The following NLGN3 variants were observed in gnomAD, a reference collection of about 807,000 sequenced individuals.
The protein encoded by NLGN3 is neuroligin 3, also known as neuroligin-3.
In NLGN3, 11 loss-of-function variants were observed where a neutral mutation model predicts 42.9. The ratio of observed to expected loss-of-function variants is 0.26; its 90% CI spans 0.16 to 0.42. The LOEUF is 0.42. NLGN3 is among the 10% of genes least tolerant of loss of function. The pLI is 1.00. For missense variants in NLGN3, 374 were observed against 733.8 expected (o/e 0.51, Z 5.67); for synonymous variants, 279 against 312.7 (o/e 0.89, Z 1.14).
In NLGN3 at chrX:71,170,445, C is replaced by T; in HGVS notation, c.*348C>T. ...CCTGAAAGCAACAGCTGGACACCCCCTTGGTGCTCGCCTTCGGCCTCTCTT... is the reference window on the plus strand; with the variant it reads ...CCTGAAAGCAACAGCTGGACACCCCTTTGGTGCTCGCCTTCGGCCTCTCTT... On this transcript the variant is annotated 3_prime_UTR_variant, in exon 8 of 8. Coordinates refer to ENST00000358741, the MANE Select transcript of NLGN3 (RefSeq NM_181303.2). 1.1e-6 allele frequency: 1 copy of T among 935,582 alleles called. No individual in the cohort carries two copies. The highest frequency in any genetic ancestry group is 2.0e-5 in the African/African-American group (1 of 49,728). The allele number at this position is 935,582 out of a possible 1,213,427, so 77.1% of individuals were successfully genotyped here. A position where few individuals can be genotyped will look rare whatever the true frequency, so the allele number is the denominator to read the frequency against.
At chrX:71,155,067 G>T in intron 4 of NLGN3, 147 bp from the exon 5 acceptor site, 1 of 609,473 alleles carries the variant, frequency 1.6e-6, no homozygotes. Flanking sequence ...TCCAGGTTGA[G>T]CAACCCCATG....
rs773087233 is a variant in NLGN3 at position 71,169,717 on chromosome X, G to A, written c.2167G>A (p.Val723Ile). ...AVGASLLFLNVLAFAALYYRK... is the reference protein window; with the variant it reads ...AVGASLLFLNILAFAALYYRK... The stretch of plus-strand genomic sequence containing the variant: ...GGGGGCCTCCCTCCTGTTCCTTAAC[G>A]TTCTGGCCTTCGCTGCCCTCTACTA... Residue 723 changes from valine (V) to isoleucine (I), a missense_variant, in exon 8 of 8, where the codon GTT (valine) becomes ATT (isoleucine). Transcript: ENST00000358741. 3.3e-6 allele frequency: 4 copies of A among 1,211,796 alleles called. No homozygotes were observed. The highest frequency in any genetic ancestry group is 3.4e-6 in the Non-Finnish European group (3 of 895,460).
chrX:71,146,176 C>CAG (rs1569483401), intron 1 of NLGN3, among the ~76,000 whole-genome samples: 10 of 61,643 alleles, frequency 1.6e-4, no homozygotes, highest in African/African-American at 6.1e-4. Flanking sequence ...CACACAGACA[C>CAG]ACACACACAC....
intron 5 of NLGN3, among the ~76,000 whole-genome samples, chrX:71,163,605 T>C (rs1390029311): frequency 8.9e-6 from 1 of 112,067 alleles, no homozygotes; most frequent in Non-Finnish European, 1.9e-5. Flanking sequence ...GTGCCCAGCA[T>C]GTTATAGATG....
chrX:71,146,150 CTCTCACACACACACACACACAG>C (rs1187019428), intron 1 of NLGN3, among the ~76,000 whole-genome samples: 2 of 34,273 alleles, frequency 5.8e-5, no homozygotes, highest in African/African-American at 3.2e-4. Flanking sequence ...CTCTCTCTCT[CTCTCACACACACACACACACAG>C]ACACACACAC....
chrX:71,146,149 TCTCTCA>T (rs1351329622), intron 1 of NLGN3, among the ~76,000 whole-genome samples: 1 of 35,824 alleles, frequency 2.8e-5, no homozygotes, highest in African/African-American at 1.5e-4. Context: ...TCTCTCTCTC[TCTCTCA>T]CACACACACA....
At chrX:71,155,141 A>G (rs2092404063) in intron 4 of NLGN3, 73 bp from the exon 5 acceptor site, 1 of 1,155,811 alleles carries the variant, frequency 8.7e-7, no homozygotes, top group Non-Finnish European at 1.2e-6. Flanking sequence ...GCCCGCACCC[A>G]CCCCCTGGGC....
At chrX:71,169,095 G>A (rs980561623) in intron 7 of NLGN3, among the ~76,000 whole-genome samples, 159 bp from the exon 8 acceptor site, 3 of 110,918 alleles carry the variant, frequency 2.7e-5, no homozygotes, top group Non-Finnish European at 5.7e-5. Flanking sequence ...TCAAGCCCTG[G>A]GGAAGAAGCA....
intron 5 of NLGN3, among the ~76,000 whole-genome samples, chrX:71,156,158 C>T (rs757360355): frequency 1.8e-5 from 2 of 110,188 alleles, no homozygotes; most frequent in East Asian, 5.7e-4. Flanking sequence ...CCTGCACATC[C>T]ATGTCCACAC....
chrX:71,156,499 T>C (rs2092409581), intron 5 of NLGN3, among the ~76,000 whole-genome samples: 1 of 109,559 alleles, frequency 9.1e-6, no homozygotes, highest in Non-Finnish European at 1.9e-5. Context: ...CACACACACA[T>C]CCACATATGC....
At chrX:71,168,872 AAAGAAAAGAAAGAG>A (rs1569485731) in intron 7 of NLGN3, among the ~76,000 whole-genome samples, 1 of 76,218 alleles carries the variant, frequency 1.3e-5, no homozygotes, top group African/African-American at 8.7e-5. Flanking sequence ...AAAGAAAGAG[AAAGAAAAGAAAGAG>A]AAAGAAAGAA....
At chrX:71,173,944 C>G (rs2092474845), downstream of NLGN3, among the ~76,000 whole-genome samples, 1 of 111,589 alleles carries the variant, frequency 9.0e-6, no homozygotes, top group Non-Finnish European at 1.9e-5. Context: ...TCAGCCAAAT[C>G]ATGGAGATGA....
intron 6 of NLGN3, among the ~76,000 whole-genome samples, chrX:71,165,731 G>A (rs1030681268): frequency 9.1e-6 from 1 of 110,371 alleles, no homozygotes; most frequent in Non-Finnish European, 1.9e-5. Context: ...ACAGGTTTTC[G>A]CCATGTTGCC....
At chrX:71,153,631 C>T (rs2092398497) in intron 4 of NLGN3, 95 bp downstream of exon 4, 6 of 832,110 alleles carry the variant, frequency 7.2e-6, no homozygotes, top group East Asian at 3.4e-5. Context: ...TCTGTCTGTC[C>T]GTTGGTGTGT....
chrX:71,153,906 G>C (rs1178723450), intron 4 of NLGN3, among the ~76,000 whole-genome samples: 2 of 111,956 alleles, frequency 1.8e-5, no homozygotes, highest in Admixed American at 9.4e-5. Flanking sequence ...GAACGGCAAG[G>C]AGATTACCTG....
intron 5 of NLGN3, among the ~76,000 whole-genome samples, chrX:71,162,431 AG>A (rs1282935204): frequency 8.9e-6 from 1 of 111,758 alleles, no homozygotes; most frequent in African/African-American, 3.3e-5. Context: ...TGCCTGGCCA[AG>A]TTTTTAAGAC....
In NLGN3 at chrX:71,147,913, G is replaced by T; in HGVS notation, c.164G>T (p.Arg55Leu). ...CACTTTGGGAAGCTAAGGGGTGCCCGAGTACCACTGCCCAGTGAGATCCTG... is the reference window on the plus strand; with the variant it reads ...CACTTTGGGAAGCTAAGGGGTGCCCTAGTACCACTGCCCAGTGAGATCCTG... ...NTHFGKLRGA[R>L]VPLPSEILGP... The change falls in exon 2 of 8, where the codon CGA becomes CTA. Residue 55 changes from arginine to leucine, a missense_variant. Coordinates refer to ENST00000358741, the MANE Select transcript of NLGN3 (RefSeq NM_181303.2). 1 of 1,208,988 alleles carries T rather than the reference G, an allele frequency of 8.3e-7. No homozygotes were observed. The highest frequency in any genetic ancestry group is 3.0e-5 in the East Asian group (1 of 33,674).
chrX:71,147,694 G>A lies in NLGN3; in HGVS notation c.-56G>A, dbSNP rs2092375558. 22 of 1,051,981 alleles carry A rather than the reference G, an allele frequency of 2.1e-5. No homozygotes were observed. Among genetic ancestry groups the A allele is most frequent in the Non-Finnish European group, 2.9e-5 (22 of 768,611 alleles). 86.7% of individuals were successfully genotyped at this position (1,051,981 alleles called of 1,213,427 possible). On this transcript the variant is annotated 5_prime_UTR_variant, in exon 2 of 8. Coordinates refer to ENST00000358741, the MANE Select transcript of NLGN3 (RefSeq NM_181303.2). ...TGTGGCCATGAAGGGGCTGCCTATT[G>A]GGCTGATGCTGTGACCCTGGAGTCT...
intron 4 of NLGN3, among the ~76,000 whole-genome samples, chrX:71,153,875 G>A (rs183639947): frequency 1.8e-5 from 2 of 112,101 alleles, no homozygotes; most frequent in East Asian, 2.8e-4. Flanking sequence ...CACTGAGGGC[G>A]GGGAGAGGAC....
Sources: allele counts gnomAD v4.1 joint callset (sites outside exome capture counted in the v4.1 genomes callset), GRCh38; gene constraint gnomAD v4.1.1; transcripts MANE v1.5; gene names NCBI Gene and HGNC (gene_info 2026-07-23, HGNC 2026-07-21).